Variants in MITF observed in about 807,000 individuals in gnomAD.
MITF encodes the protein melanocyte inducing transcription factor, also known as microphthalmia-associated transcription factor.
Under a neutral mutation model 60.5 loss-of-function variants are expected in MITF, and 17 were observed. The ratio of observed to expected loss-of-function variants is 0.28; its 90% CI spans 0.19 to 0.42. The LOEUF (loss-of-function observed/expected upper bound fraction) is 0.42, where lower values mean the gene tolerates loss of function less well. Among genes scored for constraint, MITF ranks in the 10% least tolerant of loss-of-function variants. MITF has a pLI of 1.00. For synonymous variants in MITF, 260 were observed against 248.5 expected (o/e 1.05, Z -0.43); for missense variants, 622 against 683.5 (o/e 0.91, Z 1.00).
At chr3:69,881,886 TA>T in intron 2 of MITF, among the ~76,000 whole-genome samples, 1 of 152,268 alleles carries the variant, frequency 6.6e-6, no homozygotes, top group East Asian at 1.9e-4. Context: ...TTTAACTTGC[TA>T]AAACAGAACA....
At chr3:69,755,816 C>T (rs576975441) in intron 1 of MITF, among the ~76,000 whole-genome samples, 1 of 152,188 alleles carries the variant, frequency 6.6e-6, no homozygotes, top group African/African-American at 2.4e-5. Context: ...TGAGATGCTA[C>T]CTGTAGTAAG....
intron 1 of MITF, among the ~76,000 whole-genome samples, chr3:69,779,785 C>G (rs762663309): frequency 2.0e-5 from 3 of 152,086 alleles, no homozygotes; most frequent in Non-Finnish European, 4.4e-5. Context: ...ATCCATGTAT[C>G]TTTTATCCAG....
intron 1 of MITF, among the ~76,000 whole-genome samples, chr3:69,785,818 T>TG (rs2062639624): frequency 6.6e-6 from 1 of 151,952 alleles, no homozygotes; most frequent in South Asian, 2.1e-4. Context: ...AAAGGAATCG[T>TG]GGGAGGTGAA....
chr3:69,869,480 C>T (rs1448141545), intron 1 of MITF, among the ~76,000 whole-genome samples: 1 of 152,174 alleles, frequency 6.6e-6, no homozygotes, highest in African/African-American at 2.4e-5. Flanking sequence ...AATACTAAAA[C>T]ATTCAAGATC....
At chr3:69,919,470 T>C (rs1297213768) in intron 2 of MITF, among the ~76,000 whole-genome samples, 1 of 152,256 alleles carries the variant, frequency 6.6e-6, no homozygotes, top group Non-Finnish European at 1.5e-5. Context: ...GAATTTGCCA[T>C]TGAAGCATTA....
In MITF at chr3:69,916,969, G is replaced by C. The variant is rs570524949; in HGVS notation, c.355-20853G>C. ...TACCTTCTGTCTCCTGTAAGATTCTGGTATTGTTGCTTGTTCATTTGACAT... is the reference window on the plus strand; with the variant it reads ...TACCTTCTGTCTCCTGTAAGATTCTCGTATTGTTGCTTGTTCATTTGACAT... On this transcript the variant is annotated intron_variant, in intron 2 of 9. Coordinates refer to ENST00000352241, the MANE Select transcript of MITF (RefSeq NM_001354604.2). Among the ~76,000 whole-genome samples, 91 of 152,226 alleles carry C rather than the reference G, an allele frequency of 6.0e-4. No individual in the cohort carries two copies. In the South Asian group the frequency reaches 1.0e-2, roughly 17 times the overall value.
intron 2 of MITF, 103 bp downstream of exon 2, chr3:69,879,486 C>T (rs923697894): frequency 3.8e-6 from 6 of 1,560,432 alleles, no homozygotes; most frequent in East Asian, 2.3e-5. Context: ...ACTGACCCTT[C>T]AGAATTATAT....
chr3:69,749,786 G>A (rs1377553826), intron 1 of MITF, among the ~76,000 whole-genome samples: 1 of 152,200 alleles, frequency 6.6e-6, no homozygotes, highest in East Asian at 1.9e-4. Flanking sequence ...AACAACCAGT[G>A]TGTAGACTTT....
chr3:69,767,563 C>A (rs556686525), intron 1 of MITF, among the ~76,000 whole-genome samples: 23 of 152,040 alleles, frequency 1.5e-4, no homozygotes, highest in African/African-American at 5.1e-4. Flanking sequence ...CCAGCCTGGG[C>A]AACAGAGCAA....
At position 69,775,702 on chromosome 3, in the gene MITF, G is replaced by A. The variant is rs563793993; in HGVS notation, c.104+36001G>A. 8.5e-5 allele frequency among the ~76,000 whole-genome samples: 13 copies of A among 152,116 alleles called. 1 individual carries two copies. The South Asian group carries it at 2.7e-3, about 32-fold the overall frequency. On this transcript the variant is annotated intron_variant, in intron 1 of 9. Coordinates refer to ENST00000352241, the MANE Select transcript of MITF (RefSeq NM_001354604.2). ...AGAAAATACCACTTTTCATTAATAG[G>A]ATTCATAATCCTTTTTTGGAGGGAT...
At chr3:69,910,021 A>G (rs531287221) in intron 2 of MITF, among the ~76,000 whole-genome samples, 1 of 152,314 alleles carries the variant, frequency 6.6e-6, no homozygotes, top group African/African-American at 2.4e-5. Flanking sequence ...AGCCCTTCCC[A>G]TCACAGGCCT....
intron 2 of MITF, among the ~76,000 whole-genome samples, chr3:69,900,997 A>AAAAAC (rs992187348): frequency 6.6e-6 from 1 of 151,984 alleles, no homozygotes; most frequent in Non-Finnish European, 1.5e-5. Context: ...TTTTCAATTA[A>AAAAAC]AAAACAAAAC....
chr3:69,758,418 G>C (rs1051319246), intron 1 of MITF, among the ~76,000 whole-genome samples: 1 of 151,826 alleles, frequency 6.6e-6, no homozygotes, highest in Non-Finnish European at 1.5e-5. Flanking sequence ...CAATCCTCCT[G>C]CCTCAGAGTC....
At chr3:69,853,389 G>A (rs957016634) in intron 1 of MITF, among the ~76,000 whole-genome samples, 2 of 151,958 alleles carry the variant, frequency 1.3e-5, no homozygotes, top group African/African-American at 2.4e-5. Flanking sequence ...TATACTTGCC[G>A]TATCCATTTC....
chr3:69,909,554 A>T (rs941661729), intron 2 of MITF, among the ~76,000 whole-genome samples: 2 of 152,160 alleles, frequency 1.3e-5, no homozygotes, highest in Non-Finnish European at 2.9e-5. Context: ...CACTTGTTGA[A>T]TGGCTTTGAC....
At chr3:69,840,755 C>CTT (rs200258297) in intron 1 of MITF, among the ~76,000 whole-genome samples, 25 of 138,548 alleles carry the variant, frequency 1.8e-4, no homozygotes, top group African/African-American at 4.5e-4. Context: ...GTTTTTTTCT[C>CTT]TTTTTTTTTT....
At chr3:69,941,710 G>T (rs541738686) in intron 5 of MITF, among the ~76,000 whole-genome samples, 2 of 152,250 alleles carry the variant, frequency 1.3e-5, no homozygotes, top group South Asian at 2.1e-4. Context: ...AGTTTTTCAA[G>T]AAGGTTTTCT....
rs1001730676 is a variant in MITF, at chr3:69,966,284, C to T, written c.*1036C>T. 1.3e-5 allele frequency: 3 copies of T among 232,532 alleles called. No individual in the cohort carries two copies. In the East Asian group the frequency reaches 1.8e-4, roughly 14 times the overall value. The allele number at this position is 232,532 out of a possible 1,614,324, so 14.4% of individuals were successfully genotyped here. On this transcript the variant is annotated 3_prime_UTR_variant, in exon 10 of 10. Coordinates refer to ENST00000352241, the MANE Select transcript of MITF (RefSeq NM_001354604.2). ...TTTTTACAACTCACTGGTGGTTTTC[C>T]GCATTCTTTGTACACCCATGAAAGA...
chr3:69,900,322 T>A (rs930745136), intron 2 of MITF, among the ~76,000 whole-genome samples: 15 of 152,178 alleles, frequency 9.9e-5, no homozygotes, highest in African/African-American at 2.9e-4. Context: ...TAAAAAATCG[T>A]GATATTTCCC....
Sources: gnomAD v4.1 joint callset for allele counts (sites outside exome capture counted in the v4.1 genomes callset) on GRCh38, gnomAD v4.1.1 for gene constraint, MANE v1.5 for transcripts, NCBI Gene and HGNC (gene_info 2026-07-23, HGNC 2026-07-21) for gene names.